Variants in PLCG2 observed in about 807,000 individuals in gnomAD.
PLCG2 encodes phospholipase C gamma 2, also known as 1-phosphatidylinositol 4,5-bisphosphate phosphodiesterase gamma-2.
Under a neutral mutation model 175.6 loss-of-function variants are expected in PLCG2, and 69 were observed. The ratio of observed to expected loss-of-function variants is 0.39; its 90% CI spans 0.32 to 0.48. The LOEUF (loss-of-function observed/expected upper bound fraction) is 0.48. Ranked by LOEUF, PLCG2 falls within the 20% of genes least tolerant of loss-of-function variation. The pLI is 0.91. For missense variants in PLCG2, 1,798 were observed against 1,650.9 expected, an observed-to-expected ratio of 1.09 and a Z score of -1.54; for synonymous variants, 827 against 624.0, an observed-to-expected ratio of 1.33 and a Z score of -4.85.
At chr16:81,863,260 G>C (rs1348578047) in intron 5 of PLCG2, among the ~76,000 whole-genome samples, 1 of 152,178 alleles carries the variant, frequency 6.6e-6, no homozygotes, top group Admixed American at 6.6e-5. Flanking sequence ...TCTCTGGATT[G>C]GATTGCTCCA....
At chr16:81,912,044 G>T (rs1017862550) in intron 18 of PLCG2, among the ~76,000 whole-genome samples, 13 of 151,970 alleles carry the variant, frequency 8.6e-5, no homozygotes, top group Non-Finnish European at 1.3e-4. Context: ...TGATCCACCC[G>T]CCTCAACCTC....
At chr16:81,739,720 G>A (rs1023379468) in intron 1 of PLCG2, 3 of 152,282 alleles carry the variant, frequency 2.0e-5, no homozygotes, top group Admixed American at 2.0e-4. Flanking sequence ...CTCACCAACT[G>A]TGACCTTGGG....
At chr16:81,921,533 T>G in intron 21 of PLCG2, 1 of 468,246 alleles carries the variant, frequency 2.1e-6, no homozygotes, top group Non-Finnish European at 3.9e-6. Context: ...GCCAAATGGC[T>G]TCTAATGAAA....
intron 26 of PLCG2, among the ~76,000 whole-genome samples, chr16:81,935,104 T>C (rs1910653435): frequency 6.6e-6 from 1 of 152,154 alleles, no homozygotes. Flanking sequence ...GAAAACAACA[T>C]TTATTCTTGC....
chr16:81,791,597 C>G (rs1911233669), intron 2 of PLCG2, among the ~76,000 whole-genome samples: 1 of 152,170 alleles, frequency 6.6e-6, no homozygotes, highest in South Asian at 2.1e-4. Flanking sequence ...CAGACGGAAT[C>G]TCTGTCACCC....
intron 9 of PLCG2, among the ~76,000 whole-genome samples, 194 bp from the exon 10 acceptor site, chr16:81,888,978 C>G (rs1007608583): frequency 6.6e-6 from 1 of 152,082 alleles, no homozygotes; most frequent in Non-Finnish European, 1.5e-5. Context: ...CTCTGGCTCT[C>G]TGCAGAGAAC....
chr16:81,744,298 G>A (rs1019323855), intron 1 of PLCG2, among the ~76,000 whole-genome samples: 3 of 151,720 alleles, frequency 2.0e-5, no homozygotes, highest in Non-Finnish European at 4.4e-5. Flanking sequence ...CCAAGTAGCT[G>A]GGATTACAGG....
Position 81,786,071 on chromosome 16 carries a change from A to T in PLCG2, c.82A>T (p.Met28Leu), listed in dbSNP as rs61749044. 23,883 of 1,614,186 alleles carry T rather than the reference A, an allele frequency of 0.015. 234 individuals carry two copies. The highest frequency in any genetic ancestry group is 0.02 in the South Asian group (1,864 of 91,084). Residue 28 changes from methionine to leucine, a missense_variant, in exon 2 of 33, where the codon ATG becomes TTG. Met to Leu is a conservative substitution (Grantham distance 15). Transcript: ENST00000564138. ...IKRALELGTV[M>L]TVFSFRKSTP... Reference sequence around the variant, plus strand: ...GAGAGCCCTGGAGCTGGGGACGGTGATGACTGTGTTCAGCTTCCGCAAGTC... The same window carrying T: ...GAGAGCCCTGGAGCTGGGGACGGTGTTGACTGTGTTCAGCTTCCGCAAGTC...
chr16:81,800,482 C>T (rs942495274), intron 2 of PLCG2, among the ~76,000 whole-genome samples: 1 of 152,036 alleles, frequency 6.6e-6, no homozygotes, highest in Non-Finnish European at 1.5e-5. Flanking sequence ...TTTCTGTTCC[C>T]GTGTTAGTTT....
chr16:81,928,034 CTAA>C (rs1567536668), intron 23 of PLCG2, among the ~76,000 whole-genome samples: 1 of 151,250 alleles, frequency 6.6e-6, no homozygotes, highest in East Asian at 2.0e-4. Context: ...GCCACCTCTC[CTAA>C]GCCCAGGATA....
chr16:81,742,561 G>T (rs1909618709), intron 1 of PLCG2, among the ~76,000 whole-genome samples: 1 of 152,228 alleles, frequency 6.6e-6, no homozygotes, highest in Admixed American at 6.5e-5. Flanking sequence ...CTACCCCTGA[G>T]AAATGACTCC....
chr16:81,769,543 G>A (rs996279556), intron 2 of PLCG2, among the ~76,000 whole-genome samples: 5 of 152,156 alleles, frequency 3.3e-5, no homozygotes, highest in Non-Finnish European at 7.4e-5. Flanking sequence ...GGCCGGGCGC[G>A]GTGGCTCACG....
chr16:81,805,509 A>G (rs560089080), intron 2 of PLCG2, among the ~76,000 whole-genome samples: 2 of 150,984 alleles, frequency 1.3e-5, no homozygotes, highest in African/African-American at 2.4e-5. Context: ...AGAAAAAAAA[A>G]AAAAAAAAAC....
At chr16:81,868,396 A>AG (rs1365720397) in intron 5 of PLCG2, among the ~76,000 whole-genome samples, 1 of 152,122 alleles carries the variant, frequency 6.6e-6, no homozygotes, top group African/African-American at 2.4e-5. Context: ...TTGGGGGTGC[A>AG]GGGGGTCCCC....
At chr16:81,943,456 G>A (rs1301434683) in intron 30 of PLCG2, among the ~76,000 whole-genome samples, 1 of 152,076 alleles carries the variant, frequency 6.6e-6, no homozygotes, top group Non-Finnish European at 1.5e-5. Flanking sequence ...ACAGCAAGTG[G>A]GAAGTCCACC....
intron 1 of PLCG2, among the ~76,000 whole-genome samples, chr16:81,748,520 A>T (rs1022275013): frequency 3.3e-5 from 5 of 152,174 alleles, no homozygotes; most frequent in East Asian, 1.9e-4. Context: ...GTGACTAAGG[A>T]TGTCTCGGAG....
In PLCG2 at chr16:81,806,888, T is replaced by G. The variant is rs563840465; in HGVS notation, c.193+20706T>G. Among the ~76,000 whole-genome samples the G allele has an allele frequency of 2.1e-4, 31 of 150,902 alleles. No homozygotes were observed. The South Asian group carries it at 6.5e-3, about 32-fold the overall frequency. Reference sequence around the variant, plus strand: ...GCCAAGCAGGGTGATGGGGGCAGAGTTATGGGGAGGAAGCAGGGGTCACAT... The same window carrying G: ...GCCAAGCAGGGTGATGGGGGCAGAGGTATGGGGAGGAAGCAGGGGTCACAT... On this transcript the variant is annotated intron_variant, in intron 2 of 32. Transcript: ENST00000564138.
intron 2 of PLCG2, among the ~76,000 whole-genome samples, chr16:81,769,181 G>C (rs1315095174): frequency 6.6e-6 from 1 of 152,200 alleles, no homozygotes; most frequent in Admixed American, 6.5e-5. Flanking sequence ...CTCACCATGA[G>C]TGATGAGCTG....
chr16:81,944,472 ATTAT>A (rs1251438877), intron 30 of PLCG2, among the ~76,000 whole-genome samples: 1 of 152,070 alleles, frequency 6.6e-6, no homozygotes, highest in East Asian at 1.9e-4. Flanking sequence ...CACTGAATTA[ATTAT>A]TTAGAGACAA....
Sources: gnomAD v4.1 joint callset for allele counts (sites outside exome capture counted in the v4.1 genomes callset) on GRCh38, gnomAD v4.1.1 for gene constraint, MANE v1.5 for transcripts, NCBI Gene and HGNC (gene_info 2026-07-23, HGNC 2026-07-21) for gene names.